Variants in DPP10 observed in about 807,000 individuals in gnomAD.
DPP10 encodes the protein inactive dipeptidyl peptidase 10.
In DPP10, 33 loss-of-function variants were observed where a neutral mutation model predicts 120.9. The ratio of observed to expected loss-of-function variants is 0.27; its 90% CI spans 0.21 to 0.37. The LOEUF (loss-of-function observed/expected upper bound fraction) is 0.37, where lower values mean the gene tolerates loss of function less well. Among genes scored for constraint, DPP10 ranks in the 10% least tolerant of loss-of-function variants. DPP10 has a pLI of 1.00. For missense variants in DPP10, 816 were observed against 942.8 expected, an observed-to-expected ratio of 0.87 and a Z score of 1.76; for synonymous variants, 337 against 326.1, an observed-to-expected ratio of 1.03 and a Z score of -0.36.
At chr2:114,505,634 C>T (rs1394729311) in intron 1 of DPP10, among the ~76,000 whole-genome samples, 1 of 152,086 alleles carries the variant, frequency 6.6e-6, no homozygotes, top group Non-Finnish European at 1.5e-5. Flanking sequence ...TTCTACATCT[C>T]CATTTTACAA....
intron 3 of DPP10, among the ~76,000 whole-genome samples, chr2:115,428,443 T>C (rs1057493316): frequency 4.6e-5 from 7 of 152,198 alleles, no homozygotes; most frequent in African/African-American, 1.4e-4. Flanking sequence ...ACAAGCATAG[T>C]GCTTGCGTTT....
intron 1 of DPP10, among the ~76,000 whole-genome samples, chr2:115,073,205 T>C (rs182438996): frequency 3.3e-5 from 5 of 152,390 alleles, no homozygotes; most frequent in African/African-American, 1.2e-4. Flanking sequence ...GTACATGGAA[T>C]TTAAAGACAA....
At chr2:114,577,390 A>T (rs1207840952) in intron 1 of DPP10, among the ~76,000 whole-genome samples, 3 of 152,208 alleles carry the variant, frequency 2.0e-5, no homozygotes. Context: ...TTGGGAGGAC[A>T]TATAAATTGA....
intron 1 of DPP10, among the ~76,000 whole-genome samples, chr2:114,967,631 T>C (rs1699124496): frequency 6.6e-6 from 1 of 152,046 alleles, no homozygotes; most frequent in Non-Finnish European, 1.5e-5. Context: ...AGGGTGAAAG[T>C]GAAGAATAGT....
chr2:115,603,887 A>C (rs1356756156), intron 5 of DPP10, among the ~76,000 whole-genome samples: 1 of 152,160 alleles, frequency 6.6e-6, no homozygotes, highest in Admixed American at 6.5e-5. Flanking sequence ...TGCTTGCTGC[A>C]GAGTTATCTA....
chr2:114,573,109 A>G (rs1223207870), intron 1 of DPP10, among the ~76,000 whole-genome samples: 1 of 152,138 alleles, frequency 6.6e-6, no homozygotes, highest in Non-Finnish European at 1.5e-5. Context: ...CAGCCTTTCA[A>G]GTAGCTAGGA....
At chr2:115,820,799 A>ATGTGGG (rs1491518341) in intron 21 of DPP10, among the ~76,000 whole-genome samples, 5 of 105,554 alleles carry the variant, frequency 4.7e-5, no homozygotes, top group African/African-American at 9.5e-5. Flanking sequence ...TCCATGGTGT[A>ATGTGGG]TGTGTGTGTG....
chr2:115,010,845 G>A (rs1702212635), intron 1 of DPP10, among the ~76,000 whole-genome samples: 1 of 152,118 alleles, frequency 6.6e-6, no homozygotes, highest in Admixed American at 6.5e-5. Flanking sequence ...AGTATTAGTA[G>A]TGTGGCCAGA....
At chr2:115,458,194 G>T (rs2105040928) in intron 3 of DPP10, among the ~76,000 whole-genome samples, 1 of 152,220 alleles carries the variant, frequency 6.6e-6, no homozygotes, top group South Asian at 2.1e-4. Flanking sequence ...CCCCCAAAAT[G>T]AGAGACATGG....
intron 1 of DPP10, among the ~76,000 whole-genome samples, chr2:115,215,496 T>G (rs2056765844): frequency 6.6e-6 from 1 of 152,188 alleles, no homozygotes; most frequent in Non-Finnish European, 1.5e-5. Context: ...TCTATTATTA[T>G]TTAAGTCAAA....
intron 1 of DPP10, among the ~76,000 whole-genome samples, chr2:115,207,080 A>C (rs995732385): frequency 6.6e-6 from 1 of 152,202 alleles, no homozygotes; most frequent in African/African-American, 2.4e-5. Flanking sequence ...TGTGCATAAT[A>C]AACATTCCTG....
chr2:115,087,538 C>CTTTTTTTTTT (rs56685721), intron 1 of DPP10, among the ~76,000 whole-genome samples: 2 of 99,232 alleles, frequency 2.0e-5, no homozygotes, highest in African/African-American at 4.1e-5. Context: ...CTTTTCTTTT[C>CTTTTTTTTTT]TTTTTTTTTT....
intron 1 of DPP10, among the ~76,000 whole-genome samples, chr2:115,294,066 T>C (rs1013059465): frequency 2.0e-5 from 3 of 152,108 alleles, no homozygotes; most frequent in African/African-American, 7.2e-5. Context: ...TGAATATTTA[T>C]TGATTAAAGA....
intron 1 of DPP10, among the ~76,000 whole-genome samples, chr2:114,735,600 T>C (rs1318632035): frequency 6.6e-6 from 1 of 152,124 alleles, no homozygotes; most frequent in African/African-American, 2.4e-5. Flanking sequence ...TCTATGAGCA[T>C]AATGAAGGAT....
intron 1 of DPP10, among the ~76,000 whole-genome samples, chr2:114,739,310 T>C (rs1178198992): frequency 1.3e-5 from 2 of 152,186 alleles, no homozygotes; most frequent in African/African-American, 2.4e-5. Flanking sequence ...TGTCAATTCA[T>C]ATAAATATGA....
At chr2:115,603,322 AC>A in intron 5 of DPP10, among the ~76,000 whole-genome samples, 1 of 127,984 alleles carries the variant, frequency 7.8e-6, no homozygotes, top group East Asian at 2.6e-4. Flanking sequence ...GTGGGCGCAC[AC>A]CCACCCCCCG....
chr2:115,527,124 T>A (rs184509193), intron 5 of DPP10, among the ~76,000 whole-genome samples: 1 of 152,066 alleles, frequency 6.6e-6, no homozygotes. Context: ...TTTTAAAAAA[T>A]CAGGTTTCAG....
At chr2:115,106,464 T>C (rs2048948755) in intron 1 of DPP10, among the ~76,000 whole-genome samples, 1 of 152,154 alleles carries the variant, frequency 6.6e-6, no homozygotes, top group South Asian at 2.1e-4. Flanking sequence ...TGTTTGTTTG[T>C]TTTTTGTTTA....
intron 1 of DPP10, among the ~76,000 whole-genome samples, chr2:114,952,716 A>G (rs1697887214): frequency 6.6e-6 from 1 of 152,174 alleles, no homozygotes; most frequent in Non-Finnish European, 1.5e-5. Flanking sequence ...GAAGGGTGAG[A>G]TGGAAAAAAT....
Sources: allele counts gnomAD v4.1 joint callset (sites outside exome capture counted in the v4.1 genomes callset), GRCh38; gene constraint gnomAD v4.1.1; transcripts MANE v1.5; gene names NCBI Gene and HGNC (gene_info 2026-07-23, HGNC 2026-07-21).